EXOSC2: variants seen among roughly 807,000 people sequenced by gnomAD.
EXOSC2 encodes the protein exosome component 2.
EXOSC2 carries 29 observed loss-of-function variants against 37.6 expected under a neutral mutation model. The ratio of observed to expected loss-of-function variants is 0.77; its 90% CI spans 0.57 to 1.05. EXOSC2 has a LOEUF of 1.05. Ranked by LOEUF, EXOSC2 falls within the 50% of genes least tolerant of loss-of-function variation. The pLI, the probability that EXOSC2 is intolerant of heterozygous loss-of-function variation, is 0.00. For missense variants in EXOSC2, 346 were observed against 365.6 expected, an observed-to-expected ratio of 0.95 and a Z score of 0.44; for synonymous variants, 119 against 131.1, an observed-to-expected ratio of 0.91 and a Z score of 0.63.
In EXOSC2 at chr9:130,695,746, G is replaced by A. The variant is rs557065665; in HGVS notation, c.224+153G>A. 70 of 645,462 alleles carry A rather than the reference G, an allele frequency of 1.1e-4. 1 individual carries two copies. The South Asian group carries it at 1.3e-3, about 12-fold the overall frequency. The allele number at this position is 645,462 out of a possible 1,614,324, so 40.0% of individuals were successfully genotyped here. A position where few individuals can be genotyped will look rare whatever the true frequency, so the allele number is the denominator to read the frequency against. ...CCATGACTGTAGGTGGGGTGGTGCA[G>A]ATCAGTGCAGGCTTCAGAGGTTTCC... is the stretch of plus-strand genomic sequence containing the variant. On this transcript the variant is annotated intron_variant, in intron 2 of 8. Transcript: ENST00000372358.
intron 6 of EXOSC2, 188 bp from the exon 7 acceptor site, chr9:130,701,946 T>G: frequency 7.1e-7 from 1 of 1,408,698 alleles, no homozygotes; most frequent in South Asian, 1.7e-5. Flanking sequence ...TGCTGGGATG[T>G]ATGAATAGCC....
At chr9:130,703,565 C>T (rs769017421) in intron 8 of EXOSC2, 129 bp from the exon 9 acceptor site, 31 of 707,090 alleles carry the variant, frequency 4.4e-5, no homozygotes, top group African/African-American at 3.5e-4. Context: ...TATCTTGTAA[C>T]GCTTAGTCTC....
chr9:130,699,261 G>A, intron 4 of EXOSC2, 68 bp from the exon 5 acceptor site: 2 of 1,505,170 alleles, frequency 1.3e-6, no homozygotes, highest in South Asian at 1.1e-5. Context: ...AAAAGGAAGT[G>A]AAAGAGAAGT....
rs186690059 is a variant in EXOSC2, at chr9:130,694,633, T to G, written c.122+720T>G. ...AGTGTTTCAACCTTTATTATTATTATTTTTTTACTTGTATATGTACAAGGG... is the reference window on the plus strand; with the variant it reads ...AGTGTTTCAACCTTTATTATTATTAGTTTTTTACTTGTATATGTACAAGGG... On this transcript the variant is annotated intron_variant, in intron 1 of 8. Coordinates refer to ENST00000372358, the MANE Select transcript of EXOSC2 (RefSeq NM_014285.7). The surrounding 1 kb of genome is among the most constrained non-coding windows in gnomAD (Gnocchi z 4.0). Among the ~76,000 whole-genome samples the G allele has an allele frequency of 5.3e-4, 81 of 152,296 alleles. No individual in the cohort carries two copies. Among genetic ancestry groups the G allele is most frequent in the African/African-American group, 1.9e-3 (78 of 41,564 alleles).
At chr9:130,697,506 G>T in intron 2 of EXOSC2, 76 bp from the exon 3 acceptor site, 2 of 1,425,296 alleles carry the variant, frequency 1.4e-6, no homozygotes, top group Middle Eastern at 1.8e-4. Context: ...CTGTTGAACC[G>T]ACATCTCAAA....
At chr9:130,696,102 AT>A (rs1335954261) in intron 2 of EXOSC2, among the ~76,000 whole-genome samples, 1 of 151,916 alleles carries the variant, frequency 6.6e-6, no homozygotes, top group Admixed American at 6.6e-5. Context: ...ACCTCTGATG[AT>A]TTCCCCCCAC....
At position 130,703,135 on chromosome 9, in the gene EXOSC2, A is replaced by G. The variant is rs1205444391; in HGVS notation, c.755A>G (p.Tyr252Cys). ...ISLVTQRMML[Y>C]DTSILYCYEA... The stretch of plus-strand genomic sequence containing the variant: ...CTGGTAACTCAGAGGATGATGCTGT[A>G]TGATACCAGCATCCTGTACTGCTAT... The change falls in exon 8 of 9, where the codon TAT (tyrosine) becomes TGT (cysteine). Residue 252 changes from tyrosine (Y) to cysteine (C), a missense_variant. By Grantham distance (194) the Tyr-to-Cys change is radical. Coordinates refer to ENST00000372358, the MANE Select transcript of EXOSC2 (RefSeq NM_014285.7). 1 of 1,613,814 alleles carries G rather than the reference A, an allele frequency of 6.2e-7. No individual in the cohort carries two copies. The highest frequency in any genetic ancestry group is 8.5e-7 in the Non-Finnish European group (1 of 1,179,812).
chr9:130,699,576 T>C, intron 5 of EXOSC2, 182 bp downstream of exon 5: 1 of 646,990 alleles, frequency 1.5e-6, no homozygotes, highest in Non-Finnish European at 2.7e-6. Flanking sequence ...ACTCCCCAGC[T>C]CTTGTTGGGA....
chr9:130,693,788 C>A lies in EXOSC2; in HGVS notation c.-4C>A. The A allele has an allele frequency of 6.2e-7, 1 of 1,602,752 alleles. No homozygotes were observed. Among genetic ancestry groups the A allele is most frequent in the Admixed American group, 1.7e-5 (1 of 59,190 alleles). On this transcript the variant is annotated 5_prime_UTR_variant, in exon 1 of 9. Coordinates refer to ENST00000372358, the MANE Select transcript of EXOSC2 (RefSeq NM_014285.7). ...CTGCGCCTGCGCAACTCATTGGCGC[C>A]AAGATGGCGATGGAGATGAGGCTTC... is the stretch of plus-strand genomic sequence containing the variant.
chr9:130,700,610 C>T (rs1831195161), intron 5 of EXOSC2, among the ~76,000 whole-genome samples: 1 of 152,014 alleles, frequency 6.6e-6, no homozygotes. Flanking sequence ...CGACCTGCCT[C>T]AGCCTCCCAA....
chr9:130,702,212 G>A lies in EXOSC2; in HGVS notation c.574G>A (p.Gly192Ser). 1 of 1,614,062 alleles carries A rather than the reference G, an allele frequency of 6.2e-7. No individual in the cohort carries two copies. Among genetic ancestry groups the A allele is most frequent in the Non-Finnish European group, 8.5e-7 (1 of 1,180,010 alleles). Residue 192 changes from glycine to serine, a missense_variant, in exon 7 of 9, where the codon GGT (glycine) becomes AGT (serine). Coordinates refer to ENST00000372358, the MANE Select transcript of EXOSC2 (RefSeq NM_014285.7). ...GACCCACTTTCATGATTTGCCATGT[G>A]GTGCCTCAGTGATTCTCGGTAACAA... ...QKTHFHDLPC[G>S]ASVILGNNGF...
chr9:130,697,659 G>T, intron 3 of EXOSC2, 32 bp downstream of exon 3: 1 of 1,608,764 alleles, frequency 6.2e-7, no homozygotes, highest in Admixed American at 1.7e-5. Context: ...TGTTTACAAA[G>T]TCGAGGCAGG....
At position 130,703,187 on chromosome 9, in the gene EXOSC2, C is replaced by CT. The variant is rs1429859606; in HGVS notation, c.801+7dup. On this transcript the variant is annotated splice_region_variant and intron_variant, in intron 8 of 8. Coordinates refer to ENST00000372358, the MANE Select transcript of EXOSC2 (RefSeq NM_014285.7). The stretch of plus-strand genomic sequence containing the variant: ...AAGCATCCCTTCCACATCAGGTACT[C>CT]TCCCCAGGGCCTCTCCCTTCTTCAC... 2 of 1,605,718 alleles carry CT rather than the reference C, an allele frequency of 1.2e-6. No individual in the cohort carries two copies. Among genetic ancestry groups the CT allele is most frequent in the East Asian group, 2.2e-5 (1 of 44,646 alleles).
At chr9:130,697,398 C>T (rs1397455059) in intron 2 of EXOSC2, among the ~76,000 whole-genome samples, 184 bp from the exon 3 acceptor site, 1 of 152,164 alleles carries the variant, frequency 6.6e-6, no homozygotes, top group Non-Finnish European at 1.5e-5. Context: ...AGACTTTATA[C>T]GTGGAGGAAT....
chr9:130,701,152 A>G (rs1243200063), intron 6 of EXOSC2: 1 of 489,894 alleles, frequency 2.0e-6, no homozygotes, highest in African/African-American at 2.0e-5. Flanking sequence ...AACAAGTTTT[A>G]TCCTTTTTCT....
At chr9:130,701,764 C>A in intron 6 of EXOSC2, 1 of 908,672 alleles carries the variant, frequency 1.1e-6, no homozygotes, top group Non-Finnish European at 1.3e-6. Flanking sequence ...GTTTGGGGTT[C>A]AGGTATGAGC....
At chr9:130,695,915 C>T (rs1387682586) in intron 2 of EXOSC2, among the ~76,000 whole-genome samples, 2 of 138,266 alleles carry the variant, frequency 1.4e-5, no homozygotes, top group Non-Finnish European at 3.0e-5. Context: ...GGCTGGAGTG[C>T]AGTGGCGTGA....
At chr9:130,702,589 GTTTGT>G (rs386416346) in intron 7 of EXOSC2, among the ~76,000 whole-genome samples, 2 of 151,876 alleles carry the variant, frequency 1.3e-5, no homozygotes, top group East Asian at 1.9e-4. Flanking sequence ...TTTTTTGTTT[GTTTGT>G]TTTGTTTTGT....
chr9:130,699,438 G>T (rs1162398028), intron 5 of EXOSC2, 44 bp downstream of exon 5: 1 of 1,581,984 alleles, frequency 6.3e-7, no homozygotes, highest in Non-Finnish European at 8.7e-7. Flanking sequence ...CTTTTCTGTG[G>T]GACTGGGAAA....
Sources: allele counts gnomAD v4.1 joint callset (sites outside exome capture counted in the v4.1 genomes callset), GRCh38; gene constraint gnomAD v4.1.1; non-coding constraint Gnocchi (gnomAD v3.1); transcripts MANE v1.5; gene names NCBI Gene and HGNC (gene_info 2026-07-23, HGNC 2026-07-21).